TLN2: variants seen among roughly 807,000 people sequenced by gnomAD.
The protein encoded by TLN2 is talin 2, also known as talin-2.
A neutral mutation model predicts 294.7 loss-of-function variants in TLN2; 118 were observed. That is an observed-to-expected ratio of 0.40 (90% CI 0.34 to 0.47). TLN2 has a LOEUF of 0.47. Among genes scored for constraint, TLN2 ranks in the 20% least tolerant of loss-of-function variants. The probability of loss-of-function intolerance (pLI) is 0.84; values close to 1 mark genes in which losing one functional copy is unlikely to be tolerated. For synonymous variants in TLN2, 1,431 were observed against 1,304.5 expected (o/e 1.10, Z -2.09); for missense variants, 3,083 against 3,282.2 (o/e 0.94, Z 1.48).
At chr15:62,812,011 C>CAATAAATA (rs59386081) in intron 52 of TLN2, among the ~76,000 whole-genome samples, 25,579 of 130,446 alleles carry the variant, frequency 0.2, 3,033 homozygotes, top group African/African-American at 0.31. Flanking sequence ...GACTCCATCT[C>CAATAAATA]AATAAATAAA....
At position 62,815,223 on chromosome 15, in the gene TLN2, ACACACACACT is replaced by A. The variant is rs766352061; in HGVS notation, c.6772-4289_6772-4280del. On this transcript the variant is annotated intron_variant, in intron 52 of 58. Transcript: ENST00000636159. ...CACACACACACACACACACACACAC[ACACACACACT>A]CACTCGCTCTGCCCTTCACTCTGTT... Among the ~76,000 whole-genome samples, 247 of 139,536 alleles carry A rather than the reference ACACACACACT, an allele frequency of 1.8e-3. 2 individuals carry two copies. Among genetic ancestry groups the A allele is most frequent in the Middle Eastern group, 7.8e-3 (2 of 258 alleles). 91.5% of individuals were successfully genotyped at this position (139,536 alleles called of 152,430 possible).
At chr15:62,565,487 A>T (rs2043319410) in intron 1 of TLN2, among the ~76,000 whole-genome samples, 1 of 152,206 alleles carries the variant, frequency 6.6e-6, no homozygotes, top group African/African-American at 2.4e-5. Flanking sequence ...AGCAGCAATT[A>T]ACATACCACT....
At chr15:62,428,387 T>G (rs2034830082) in intron 1 of TLN2, among the ~76,000 whole-genome samples, 1 of 152,252 alleles carries the variant, frequency 6.6e-6, no homozygotes, top group African/African-American at 2.4e-5. Flanking sequence ...GACATTTCCT[T>G]CTTTACTTGG....
chr15:62,762,784 A>G (rs1595907616), intron 39 of TLN2, among the ~76,000 whole-genome samples: 2 of 152,326 alleles, frequency 1.3e-5, no homozygotes, highest in East Asian at 3.9e-4. Context: ...CTTAAGGCCC[A>G]ATGGCTGTCT....
chr15:62,469,817 T>C (rs1437885099), intron 1 of TLN2, among the ~76,000 whole-genome samples: 1 of 152,158 alleles, frequency 6.6e-6, no homozygotes, highest in Non-Finnish European at 1.5e-5. Flanking sequence ...AAAAGCCAAA[T>C]TAAGAATACA....
At chr15:62,700,106 C>T (rs1035567779) in intron 16 of TLN2, among the ~76,000 whole-genome samples, 1 of 152,198 alleles carries the variant, frequency 6.6e-6, no homozygotes, top group Admixed American at 6.5e-5. Flanking sequence ...TACCCAAAAA[C>T]AATAAACATT....
intron 37 of TLN2, among the ~76,000 whole-genome samples, chr15:62,760,738 C>T (rs190330216): frequency 1.3e-5 from 2 of 152,058 alleles, no homozygotes; most frequent in Non-Finnish European, 2.9e-5. Context: ...CCATCCAGAC[C>T]GTAAATCAGC....
At chr15:62,755,065 C>A (rs2062156677) in intron 36 of TLN2, 1 of 153,170 alleles carries the variant, frequency 6.5e-6, no homozygotes, top group African/African-American at 2.4e-5. Context: ...ATTGTAAAAT[C>A]TCAATATTTT....
At chr15:62,558,859 C>T (rs902601250) in intron 1 of TLN2, among the ~76,000 whole-genome samples, 24 of 152,222 alleles carry the variant, frequency 1.6e-4, no homozygotes, top group Admixed American at 2.6e-4. Flanking sequence ...AAGCTGTCTG[C>T]GGTGGTTAAC....
intron 1 of TLN2, among the ~76,000 whole-genome samples, chr15:62,442,911 G>A (rs780018310): frequency 5.9e-5 from 9 of 152,142 alleles, no homozygotes; most frequent in Non-Finnish European, 1.2e-4. Flanking sequence ...GCCGCCTGCA[G>A]TTCTTGGCCT....
chr15:62,548,030 CAT>C (rs1276903305), intron 1 of TLN2, among the ~76,000 whole-genome samples: 5 of 152,202 alleles, frequency 3.3e-5, no homozygotes, highest in African/African-American at 1.2e-4. Flanking sequence ...GGGTTGCAAA[CAT>C]ATGGAGCTTC....
chr15:62,391,777 C>T (rs1298187027), intron 1 of TLN2, among the ~76,000 whole-genome samples: 1 of 152,242 alleles, frequency 6.6e-6, no homozygotes, highest in Admixed American at 6.5e-5. Context: ...GGACAGCGTG[C>T]TGGGCTTGCC....
rs3055752 is a variant in TLN2, at chr15:62,588,665, CATATATATATATATATATATAT to C, written c.-237-1001_-237-980del. The stretch of plus-strand genomic sequence containing the variant: ...AATACATATATATATACATTTTTTT[CATATATATATATATATATATAT>C]ATATATATATATATATATATGAAAT... On this transcript the variant is annotated intron_variant, in intron 1 of 58. Coordinates refer to ENST00000636159, the MANE Select transcript of TLN2 (RefSeq NM_015059.3). Among the ~76,000 whole-genome samples, 380 of 71,444 alleles carry C rather than the reference CATATATATATATATATATATAT, an allele frequency of 5.3e-3. 1 individual carries two copies. The highest frequency in any genetic ancestry group is 0.016 in the African/African-American group (334 of 21,066). 46.9% of individuals were successfully genotyped at this position (71,444 alleles called of 152,430 possible).
intron 44 of TLN2, 111 bp downstream of exon 44, chr15:62,781,352 C>T: frequency 1.3e-6 from 1 of 774,068 alleles, no homozygotes; most frequent in Non-Finnish European, 2.1e-6. Flanking sequence ...AGACCACTCT[C>T]TAGTCCCTCA....
chr15:62,708,168 G>A (rs1354688954), intron 20 of TLN2, among the ~76,000 whole-genome samples: 3 of 152,040 alleles, frequency 2.0e-5, no homozygotes, highest in Non-Finnish European at 2.9e-5. Flanking sequence ...TCAATTCAAA[G>A]GATCCTAAAA....
At chr15:62,645,098 G>A (rs560777856) in intron 3 of TLN2, 47 of 157,568 alleles carry the variant, frequency 3.0e-4, no homozygotes, top group Non-Finnish European at 5.1e-4. Flanking sequence ...ACTAGCCCAC[G>A]GAATGATCTG....
intron 1 of TLN2, chr15:62,561,404 T>G (rs1415876899): frequency 6.6e-6 from 1 of 152,256 alleles, no homozygotes; most frequent in African/African-American, 2.4e-5. Context: ...GCTAACGCCT[T>G]CGCGAGAGGA....
Position 62,540,374 on chromosome 15 carries a change from T to A in TLN2, c.-237-49313T>A, listed in dbSNP as rs554845171. Among the ~76,000 whole-genome samples, 14 of 150,976 alleles carry A rather than the reference T, an allele frequency of 9.3e-5. No homozygotes were observed. In the East Asian group the frequency reaches 1.9e-3, roughly 21 times the overall value. Reference sequence around the variant, plus strand: ...AAATAAACTTTTTTTTTTTTTTTTTTACATGAGTAAGCGTCTTGGCCTTCA... The same window carrying A: ...AAATAAACTTTTTTTTTTTTTTTTTAACATGAGTAAGCGTCTTGGCCTTCA... On this transcript the variant is annotated intron_variant, in intron 1 of 58. Transcript: ENST00000636159.
intron 16 of TLN2, 46 bp from the exon 17 acceptor site, chr15:62,701,060 G>T (rs1335432690): frequency 6.5e-7 from 1 of 1,545,030 alleles, no homozygotes. Context: ...GGTCTCCTGG[G>T]TAATTCTGTG....
Sources: gnomAD v4.1 joint callset for allele counts (sites outside exome capture counted in the v4.1 genomes callset) on GRCh38, gnomAD v4.1.1 for gene constraint, MANE v1.5 for transcripts, NCBI Gene and HGNC (gene_info 2026-07-23, HGNC 2026-07-21) for gene names.